IRAG1: variants seen among roughly 807,000 people sequenced by gnomAD.
The protein encoded by IRAG1 is IP3R-associated cGMP kinase substrate.
In IRAG1, 62 loss-of-function variants were observed where a neutral mutation model predicts 106.2. That is an observed-to-expected ratio of 0.58 (90% confidence interval 0.48 to 0.72). IRAG1 has a LOEUF of 0.72. Among genes scored for constraint, IRAG1 ranks in the 30% least tolerant of loss-of-function variants. IRAG1 has a pLI of 0.00. For missense variants in IRAG1, 1,064 were observed against 1,140.7 expected, an observed-to-expected ratio of 0.93 and a Z score of 0.97; for synonymous variants, 462 against 443.9, an observed-to-expected ratio of 1.04 and a Z score of -0.51.
Position 10,643,176 on chromosome 11 carries a change from CAAAA to C in IRAG1, c.225+8845_225+8848del, listed in dbSNP as rs10679269. 1.4e-3 allele frequency among the ~76,000 whole-genome samples: 84 copies of C among 60,252 alleles called. 1 individual carries two copies. The highest frequency in any genetic ancestry group is 5.0e-3 in the African/African-American group (68 of 13,548). 39.5% of individuals were successfully genotyped at this position (60,252 alleles called of 152,430 possible). A position where few individuals can be genotyped will look rare whatever the true frequency, so the allele number is the denominator to read the frequency against. ...TGGGCGACAGAGTGAGACTCCGTCT[CAAAA>C]AAAAAAAAAAAAAAAAAAAGGACTC... On this transcript the variant is annotated intron_variant, in intron 2 of 20. Coordinates refer to ENST00000423302, the MANE Select transcript of IRAG1 (RefSeq NM_130385.4).
chr11:10,617,073 C>CT, intron 10 of IRAG1: 3 of 985,308 alleles, frequency 3.0e-6, no homozygotes, highest in Non-Finnish European at 3.6e-6. Context: ...CTTTCCTGCC[C>CT]AAGACCTGAG....
intron 19 of IRAG1, among the ~76,000 whole-genome samples, chr11:10,581,459 G>T (rs1287066734): frequency 2.0e-5 from 3 of 152,114 alleles, no homozygotes; most frequent in African/African-American, 7.2e-5. Context: ...ATTTATAGGA[G>T]GAAGGAGTGA....
chr11:10,576,641 C>T (rs766588791), intron 20 of IRAG1, 66 bp from the exon 21 acceptor site: 12 of 1,587,680 alleles, frequency 7.6e-6, no homozygotes, highest in Non-Finnish European at 9.5e-6. Context: ...CACAGACCCA[C>T]AGTTCTCTCT....
chr11:10,652,068 T>C lies in IRAG1; in HGVS notation c.182A>G (p.Glu61Gly). The change falls in exon 2 of 21, where the codon GAG becomes GGG. Residue 61 changes from glutamate (E) to glycine (G), a missense_variant. By Grantham distance (98) the Glu-to-Gly change is moderately conservative. Coordinates refer to ENST00000423302, the MANE Select transcript of IRAG1 (RefSeq NM_130385.4). Reference protein sequence around the residue: ...AAMPHIPEDEEPPGEPQAAQS... With the variant: ...AAMPHIPEDEGPPGEPQAAQS... ...GGCTGCCTGTGGCTCTCCGGGGGGC[T>C]CCTCGTCCTCGGGAATGTGGGGCAT... The C allele has an allele frequency of 1.3e-6, 2 of 1,596,934 alleles. No individual in the cohort carries two copies. The highest frequency in any genetic ancestry group is 1.7e-6 in the Non-Finnish European group (2 of 1,172,440).
At position 10,628,889 on chromosome 11, in the gene IRAG1, A is replaced by C; in HGVS notation, c.575-61T>G. 6.7e-7 allele frequency: 1 copy of C among 1,483,074 alleles called. No homozygotes were observed. The highest frequency in any genetic ancestry group is 9.2e-7 in the Non-Finnish European group (1 of 1,092,674). 91.9% of individuals were successfully genotyped at this position (1,483,074 alleles called of 1,614,324 possible). On this transcript the variant is annotated intron_variant, in intron 5 of 20. Coordinates refer to ENST00000423302, the MANE Select transcript of IRAG1 (RefSeq NM_130385.4). The surrounding 1 kb of genome is among the most constrained non-coding windows in gnomAD (Gnocchi z 4.1). ...AAGGTTTAGGACTTCAACCTGGCAA[A>C]GGCATCCTTTTAGGTATTCCCAGGC...
At chr11:10,595,409 A>C (rs1236170768) in intron 15 of IRAG1, among the ~76,000 whole-genome samples, 1 of 152,170 alleles carries the variant, frequency 6.6e-6, no homozygotes, top group Non-Finnish European at 1.5e-5. Flanking sequence ...TGGAAATTAT[A>C]CATTCTATTT....
chr11:10,612,344 C>T (rs1486395777), intron 10 of IRAG1, among the ~76,000 whole-genome samples: 1 of 152,190 alleles, frequency 6.6e-6, no homozygotes, highest in Admixed American at 6.5e-5. Context: ...ATAACAAACT[C>T]ACGTTTTGGA....
chr11:10,665,014 TGG>T lies in IRAG1; in HGVS notation c.68-12834_68-12833del, dbSNP rs1859682181. Among the ~76,000 whole-genome samples, 1 of 152,058 alleles carries T rather than the reference TGG, an allele frequency of 6.6e-6. No homozygotes were observed. The highest frequency in any genetic ancestry group is 6.5e-5 in the Admixed American group (1 of 15,276). On this transcript the variant is annotated intron_variant, in intron 1 of 20. Coordinates refer to ENST00000423302, the MANE Select transcript of IRAG1 (RefSeq NM_130385.4). This position sits in a 1 kb window ranked among gnomAD's most constrained non-coding sequence, Gnocchi z 4.2. ...TTAAGCTGGCTTGTACGAGCTTTTT[TGG>T]CACTTGCAATAAAGAGTTCCAACTG...
intron 8 of IRAG1, 129 bp from the exon 9 acceptor site, chr11:10,626,712 G>C (rs185167927): frequency 1.9e-6 from 2 of 1,079,718 alleles, no homozygotes; most frequent in Admixed American, 6.0e-5. Context: ...AGTGTGTATG[G>C]GGTATGAGTG....
chr11:10,669,250 G>A (rs1860028063), intron 1 of IRAG1, among the ~76,000 whole-genome samples: 1 of 152,202 alleles, frequency 6.6e-6, no homozygotes, highest in African/African-American at 2.4e-5. Flanking sequence ...TTTCCAAGCA[G>A]TGAGACCATT....
chr11:10,586,643 C>A (rs1298628887), intron 18 of IRAG1, among the ~76,000 whole-genome samples: 1 of 152,128 alleles, frequency 6.6e-6, no homozygotes, highest in African/African-American at 2.4e-5. Flanking sequence ...GTCTCGAACT[C>A]CTGGCCTCAA....
intron 1 of IRAG1, among the ~76,000 whole-genome samples, chr11:10,686,747 TCA>T (rs1473829416): frequency 6.6e-6 from 1 of 152,216 alleles, no homozygotes; most frequent in Admixed American, 6.5e-5. Context: ...CTCATTCTTC[TCA>T]TACTAGTTAC....
chr11:10,684,868 G>T (rs1369540791), intron 1 of IRAG1, among the ~76,000 whole-genome samples: 1 of 152,108 alleles, frequency 6.6e-6, no homozygotes, highest in African/African-American at 2.4e-5. Context: ...CTTGTGTGCT[G>T]GGACAGACTA....
chr11:10,659,005 G>A lies in IRAG1; in HGVS notation c.68-6823C>T, dbSNP rs1232455271. On this transcript the variant is annotated intron_variant, in intron 1 of 20. Transcript: ENST00000423302. This position sits in a 1 kb window ranked among gnomAD's most constrained non-coding sequence, Gnocchi z 4.1. ...CTGCCCAACGTCTGTGCTGTGCTCA[G>A]TCCCAGGTCTGTGCTGTGCTTGCCC... 6.6e-6 allele frequency among the ~76,000 whole-genome samples: 1 copy of A among 151,822 alleles called. No homozygotes were observed. The highest frequency in any genetic ancestry group is 2.4e-5 in the African/African-American group (1 of 41,308).
rs370796547 is a variant in IRAG1 at position 10,626,423 on chromosome 11, T to C, written c.911A>G (p.Lys304Arg). The change falls in exon 9 of 21, where the codon AAA becomes AGA. Residue 304 changes from lysine to arginine, a missense_variant. Physicochemically the swap from Lys to Arg is conservative, Grantham distance 26 (BLOSUM62 2). Coordinates refer to ENST00000423302, the MANE Select transcript of IRAG1 (RefSeq NM_130385.4). ...GCTGTTTGTAACAGGAGCTAGGCCTTTGGGTGTGGTCTCGGGGTACTGGAG... is the reference window on the plus strand; with the variant it reads ...GCTGTTTGTAACAGGAGCTAGGCCTCTGGGTGTGGTCTCGGGGTACTGGAG... ...DPLQYPETTP[K>R]GLAPVTNSSG... 93 of 1,613,804 alleles carry C rather than the reference T, an allele frequency of 5.8e-5. No individual in the cohort carries two copies. The highest frequency in any genetic ancestry group is 1.7e-4 in the Admixed American group (10 of 59,990).
At chr11:10,670,320 C>T (rs1334777540) in intron 1 of IRAG1, among the ~76,000 whole-genome samples, 2 of 152,200 alleles carry the variant, frequency 1.3e-5, no homozygotes, top group Non-Finnish European at 2.9e-5. Flanking sequence ...GTGTTATGTA[C>T]ATGTCTGAGT....
At chr11:10,594,865 A>C (rs951852220) in intron 15 of IRAG1, among the ~76,000 whole-genome samples, 5 of 152,152 alleles carry the variant, frequency 3.3e-5, no homozygotes, top group Non-Finnish European at 7.3e-5. Context: ...TCTCTCTTTC[A>C]TATCCATATA....
chr11:10,623,494 C>T (rs79909758), intron 10 of IRAG1, among the ~76,000 whole-genome samples: 4,773 of 152,104 alleles, frequency 0.031, 119 homozygotes, highest in South Asian at 0.056. Flanking sequence ...CCTGGGTGTA[C>T]GAGGAAAAGG....
At chr11:10,591,047 A>T (rs542042311) in intron 18 of IRAG1, among the ~76,000 whole-genome samples, 1 of 152,338 alleles carries the variant, frequency 6.6e-6, no homozygotes, top group East Asian at 1.9e-4. Flanking sequence ...AGAAAGGAAC[A>T]TGGCAAGAAA....
Sources: gnomAD v4.1 joint callset for allele counts (sites outside exome capture counted in the v4.1 genomes callset) on GRCh38, gnomAD v4.1.1 for gene constraint, Gnocchi (gnomAD v3.1) non-coding constraint, MANE v1.5 for transcripts, NCBI Gene and HGNC (gene_info 2026-07-23, HGNC 2026-07-21) for gene names.